The following PCNX2 variants were observed in gnomAD, a reference collection of about 807,000 sequenced individuals.
The protein encoded by PCNX2 is pecanex 2, also known as pecanex-like protein 2.
PCNX2 carries 168 observed loss-of-function variants against 223.8 expected under a neutral mutation model. That is an observed-to-expected ratio of 0.75 (90% CI 0.66 to 0.85). The LOEUF (loss-of-function observed/expected upper bound fraction) is 0.85, where lower values mean the gene tolerates loss of function less well. Ranked by LOEUF, PCNX2 falls within the 40% of genes least tolerant of loss-of-function variation. The probability of loss-of-function intolerance (pLI) is 0.00; values close to 1 mark genes in which losing one functional copy is unlikely to be tolerated. For synonymous variants in PCNX2, 1,006 were observed against 1,052.6 expected (o/e 0.96, Z 0.86); for missense variants, 2,507 against 2,675.5 (o/e 0.94, Z 1.39).
chr1:233,227,401 A>G (rs1365530582), intron 9 of PCNX2, 30 bp from the exon 10 acceptor site: 9 of 1,601,854 alleles, frequency 5.6e-6, no homozygotes, highest in Non-Finnish European at 6.8e-6. Context: ...ACAACAGAAA[A>G]AAGGGCTTTA....
At position 233,003,584 on chromosome 1, in the gene PCNX2, G is replaced by A. The variant is rs563256023; in HGVS notation, c.4953-1903C>T. Among the ~76,000 whole-genome samples, 416 of 152,316 alleles carry A rather than the reference G, an allele frequency of 2.7e-3. 2 individuals carry two copies. The highest frequency in any genetic ancestry group is 9.5e-3 in the African/African-American group (395 of 41,560). On this transcript the variant is annotated intron_variant, in intron 28 of 33. Transcript: ENST00000258229. Reference sequence around the variant, plus strand: ...GTAAATTAGTTCAACCATTGTGGAAGACAGTGTGGCGATTCCTCAAGGATC... The same window carrying A: ...GTAAATTAGTTCAACCATTGTGGAAAACAGTGTGGCGATTCCTCAAGGATC...
At chr1:233,186,000 G>C (rs995100620) in intron 15 of PCNX2, among the ~76,000 whole-genome samples, 6 of 152,174 alleles carry the variant, frequency 3.9e-5, no homozygotes, top group South Asian at 4.1e-4. Context: ...AGAATGCATA[G>C]GGCAGTCCGG....
intron 8 of PCNX2, among the ~76,000 whole-genome samples, chr1:233,249,170 A>G (rs2102983506): frequency 1.3e-5 from 2 of 152,336 alleles, no homozygotes; most frequent in East Asian, 3.9e-4. Flanking sequence ...CTCTGCATAT[A>G]TGGCCTTATT....
At chr1:233,034,940 G>A (rs1671399777) in intron 25 of PCNX2, among the ~76,000 whole-genome samples, 2 of 152,140 alleles carry the variant, frequency 1.3e-5, no homozygotes, top group South Asian at 2.1e-4. Flanking sequence ...GAGGAAAGCT[G>A]TACTTAAGAA....
intron 32 of PCNX2, among the ~76,000 whole-genome samples, chr1:232,987,408 G>C (rs1005926036): frequency 1.3e-5 from 2 of 152,226 alleles, no homozygotes; most frequent in African/African-American, 4.8e-5. Flanking sequence ...ACACCGGGTT[G>C]CTTAACTTGA....
intron 21 of PCNX2, chr1:233,112,764 T>G: frequency 8.8e-7 from 1 of 1,136,080 alleles, no homozygotes; most frequent in Non-Finnish European, 1.1e-6. Flanking sequence ...GCATGAGAAT[T>G]AAGCAAAAAT....
intron 19 of PCNX2, among the ~76,000 whole-genome samples, chr1:233,145,114 GC>G (rs1397016201): frequency 6.6e-6 from 1 of 151,814 alleles, no homozygotes; most frequent in Non-Finnish European, 1.5e-5. Flanking sequence ...ACAGGCGCCT[GC>G]CACCACGCCC....
At position 233,017,175 on chromosome 1, in the gene PCNX2, A is replaced by C. The variant is rs772797875; in HGVS notation, c.4606-21T>G. 8 of 689,170 alleles carry C rather than the reference A, an allele frequency of 1.2e-5. No homozygotes were observed. In the Admixed American group the frequency reaches 2.5e-4, roughly 21 times the overall value. 42.7% of individuals were successfully genotyped at this position (689,170 alleles called of 1,614,324 possible). On this transcript the variant is annotated intron_variant, in intron 26 of 33. Transcript: ENST00000258229. ...ATACTCTGCAGAGAAAAAGCCAGGA[A>C]GATTTTATTTATTAATTTAATCTTA...
intron 4 of PCNX2, among the ~76,000 whole-genome samples, chr1:233,259,699 C>T (rs1392535404): frequency 1.3e-5 from 2 of 152,102 alleles, no homozygotes; most frequent in Non-Finnish European, 2.9e-5. Flanking sequence ...ATTCAACTCC[C>T]ATTTATGAGT....
intron 22 of PCNX2, among the ~76,000 whole-genome samples, chr1:233,094,051 A>C (rs1674022115): frequency 6.6e-6 from 1 of 152,216 alleles, no homozygotes; most frequent in Non-Finnish European, 1.5e-5. Context: ...TGGTTCCCAC[A>C]ACAGTCTTAA....
chr1:233,275,483 G>A (rs546535510), intron 1 of PCNX2, among the ~76,000 whole-genome samples: 2 of 152,186 alleles, frequency 1.3e-5, no homozygotes, highest in Non-Finnish European at 2.9e-5. Flanking sequence ...GATTACAGGC[G>A]TGAGCCACTG....
chr1:233,208,205 G>A (rs1397325849), intron 13 of PCNX2, among the ~76,000 whole-genome samples: 1 of 152,068 alleles, frequency 6.6e-6, no homozygotes, highest in African/African-American at 2.4e-5. Flanking sequence ...GTGACCCACC[G>A]GCCTCGGCCT....
intron 23 of PCNX2, among the ~76,000 whole-genome samples, chr1:233,083,090 T>C (rs1246132166): frequency 6.6e-6 from 1 of 152,194 alleles, no homozygotes; most frequent in Non-Finnish European, 1.5e-5. Context: ...ACATTTTAGA[T>C]TTTAAGAGGC....
intron 13 of PCNX2, among the ~76,000 whole-genome samples, chr1:233,207,322 C>T (rs1171105939): frequency 6.6e-6 from 1 of 152,142 alleles, no homozygotes; most frequent in African/African-American, 2.4e-5. Flanking sequence ...TGATGTGGGA[C>T]CAAAGGCTTT....
In PCNX2 at chr1:233,281,802, T is replaced by C. The variant is rs115712447; in HGVS notation, c.153+13524A>G. Among the ~76,000 whole-genome samples the C allele has an allele frequency of 9.5e-4, 144 of 152,306 alleles. 1 individual carries two copies. Among genetic ancestry groups the C allele is most frequent in the African/African-American group, 3.4e-3 (141 of 41,556 alleles). ...ATGGGTCTGACCACAGTCTGTAATATGCACTACCAAAACTGTGCCTTCCCT... is the reference window on the plus strand; with the variant it reads ...ATGGGTCTGACCACAGTCTGTAATACGCACTACCAAAACTGTGCCTTCCCT... On this transcript the variant is annotated intron_variant, in intron 1 of 33. Transcript: ENST00000258229.
At chr1:233,118,384 A>C (rs928345580) in intron 21 of PCNX2, among the ~76,000 whole-genome samples, 3 of 151,914 alleles carry the variant, frequency 2.0e-5, no homozygotes, top group Admixed American at 2.0e-4. Context: ...CTAGTGCAAT[A>C]AGACTGGCAA....
chr1:233,235,957 A>ATATATATATATATATATATAT (rs1553319645), intron 9 of PCNX2, among the ~76,000 whole-genome samples: 25 of 93,072 alleles, frequency 2.7e-4, no homozygotes, highest in African/African-American at 9.4e-4. Context: ...CATAAAAAAA[A>ATATATATATATATATATATAT]ATATATATAT....
rs537104715 is a variant in PCNX2 at position 233,038,293 on chromosome 1, C to G, written c.4352-12894G>C. On this transcript the variant is annotated intron_variant, in intron 25 of 33. Transcript: ENST00000258229. ...ATCGCTGTGAGTGATATGATTTCCC[C>G]CTACTACTGCCCCGTTTAAAGATGT... 4.2e-4 allele frequency among the ~76,000 whole-genome samples: 64 copies of G among 152,216 alleles called. 1 individual carries two copies. In the South Asian group the frequency reaches 0.013, roughly 31 times the overall value.
chr1:233,095,731 T>G, intron 22 of PCNX2, 24 bp downstream of exon 22: 1 of 1,536,552 alleles, frequency 6.5e-7, no homozygotes, highest in Non-Finnish European at 8.9e-7. Context: ...AGCTGGAGGG[T>G]GAAAATAGAA....
Sources: allele counts gnomAD v4.1 joint callset (sites outside exome capture counted in the v4.1 genomes callset), GRCh38; gene constraint gnomAD v4.1.1; transcripts MANE v1.5; gene names NCBI Gene and HGNC (gene_info 2026-07-23, HGNC 2026-07-21).